RNASE10: variants seen among roughly 807,000 people sequenced by gnomAD.
The protein encoded by RNASE10 is ribonuclease A family member 10 (inactive).
A neutral mutation model predicts 1.1 loss-of-function variants in RNASE10; 2 were observed. The observed-to-expected ratio is 1.82, with a 90% CI of 0.74 to 5.73. The LOEUF is 5.73. Among genes scored for constraint, RNASE10 ranks in the 30% most tolerant of loss-of-function variants. The pLI, the probability that RNASE10 is intolerant of heterozygous loss-of-function variation, is 0.05. For missense variants in RNASE10, 276 were observed against 263.4 expected (o/e 1.05, Z -0.33); for synonymous variants, 97 against 96.2 (o/e 1.01, Z -0.05).
chr14:20,510,425 G>T (rs1401739584), intron 1 of RNASE10, 42 bp from the exon 2 acceptor site: 3 of 1,569,392 alleles, frequency 1.9e-6, no homozygotes, highest in South Asian at 2.4e-5. Flanking sequence ...AGCCAATTTT[G>T]ATCTCAAAGT....
At chr14:20,510,623 A>G (rs371476618) in exon 2 of RNASE10, 3 of 1,614,212 alleles carry the variant, frequency 1.9e-6, no homozygotes, top group Non-Finnish European at 2.5e-6. Flanking sequence ...GACTCACAGG[A>G]CAAAGCTGAG....
chr14:20,504,597 A>G (rs1170140044), upstream of RNASE10, among the ~76,000 whole-genome samples: 5 of 145,430 alleles, frequency 3.4e-5, no homozygotes, highest in African/African-American at 2.6e-5. Context: ...CTGAGGCAGG[A>G]GAATGGCGTG....
chr14:20,511,765 T>A (rs990541405), downstream of RNASE10, among the ~76,000 whole-genome samples: 1 of 152,220 alleles, frequency 6.6e-6, no homozygotes, highest in Non-Finnish European at 1.5e-5. Flanking sequence ...CTTCCCACCT[T>A]TTACTAGCAG....
chr14:20,511,117 C>A lies in RNASE10; in HGVS notation c.730C>A (p.Gln244Lys), dbSNP rs570678707. The A allele has an allele frequency of 1.3e-5, 19 of 1,485,324 alleles. No individual in the cohort carries two copies. In the East Asian group the frequency reaches 1.9e-4, roughly 15 times the overall value. The allele number at this position is 1,485,324 out of a possible 1,614,324, so 92.0% of individuals were successfully genotyped here. A position where few individuals can be genotyped will look rare whatever the true frequency, so the allele number is the denominator to read the frequency against. The change falls in exon 2 of 2, where the codon CAA (glutamine) becomes AAA (lysine). Residue 244 changes from glutamine to lysine, a missense_variant. Transcript: ENST00000430083. ...CATGAAGCGCCAGTTACCAACTGGACAATGAAGCAACTCATCATCTTTTTT... is the reference window on the plus strand; with the variant it reads ...CATGAAGCGCCAGTTACCAACTGGAAAATGAAGCAACTCATCATCTTTTTT...
At chr14:20,506,731 G>A (rs1882737695) in intron 1 of RNASE10, among the ~76,000 whole-genome samples, 5 of 111,234 alleles carry the variant, frequency 4.5e-5, no homozygotes, top group African/African-American at 1.1e-4. Context: ...TCAGCCCCCC[G>A]CCCGGCCAGC....
At chr14:20,511,632 A>G (rs1882902468), downstream of RNASE10, among the ~76,000 whole-genome samples, 1 of 152,136 alleles carries the variant, frequency 6.6e-6, no homozygotes, top group Non-Finnish European at 1.5e-5. Flanking sequence ...GCTTGGAAAA[A>G]TTTAGGGCCT....
chr14:20,505,048 A>G (rs1055404203), upstream of RNASE10, among the ~76,000 whole-genome samples: 3 of 151,824 alleles, frequency 2.0e-5, no homozygotes, highest in African/African-American at 4.8e-5. Flanking sequence ...GGCAAACCTC[A>G]CTGAATGTGA....
chr14:20,510,776 T>C, exon 2 of RNASE10: 2 of 1,614,198 alleles, frequency 1.2e-6, no homozygotes, highest in Non-Finnish European at 8.5e-7. Flanking sequence ...GCCTCAGCTC[T>C]CTTTCAGAGC....
chr14:20,506,652 T>C (rs1229436970), intron 1 of RNASE10, among the ~76,000 whole-genome samples: 2 of 89,462 alleles, frequency 2.2e-5, no homozygotes, highest in Admixed American at 1.1e-4. Context: ...AGCCGCCCAG[T>C]CCAGGAGGGA....
downstream of RNASE10, among the ~76,000 whole-genome samples, chr14:20,512,135 C>G (rs1474766501): frequency 6.6e-6 from 1 of 151,976 alleles, no homozygotes; most frequent in East Asian, 1.9e-4. Context: ...TATGAGGTGC[C>G]CAGTAGATGT....
exon 2 of RNASE10, chr14:20,511,015 C>G: frequency 6.3e-7 from 1 of 1,586,796 alleles, no homozygotes; most frequent in Non-Finnish European, 8.6e-7. Flanking sequence ...CGAGCTGTCC[C>G]AACCAGACCA....
chr14:20,506,469 G>A (rs1594439602), intron 1 of RNASE10, among the ~76,000 whole-genome samples: 4 of 127,620 alleles, frequency 3.1e-5, no homozygotes, highest in Non-Finnish European at 6.7e-5. Flanking sequence ...CCGGCCAGCC[G>A]CCCCGTCCGG....
upstream of RNASE10, among the ~76,000 whole-genome samples, chr14:20,504,680 T>A (rs187189117): frequency 0.23 from 13,364 of 59,136 alleles, 724 homozygotes; most frequent in Middle Eastern, 0.35. Context: ...AGAGAGAGAC[T>A]CCGTCTCAAA....
At chr14:20,512,645 C>T, downstream of RNASE10, among the ~76,000 whole-genome samples, 1 of 152,200 alleles carries the variant, frequency 6.6e-6, no homozygotes, top group East Asian at 1.9e-4. Flanking sequence ...GTCCCTGATT[C>T]AATATATCCC....
chr14:20,505,439 G>C (rs1315274884), upstream of RNASE10: 1 of 74,770 alleles, frequency 1.3e-5, no homozygotes, highest in Non-Finnish European at 2.3e-5. Context: ...TCAGCCTGCC[G>C]AGGGCCTGCG....
At chr14:20,507,027 C>G (rs1244382726) in intron 1 of RNASE10, among the ~76,000 whole-genome samples, 1 of 150,846 alleles carries the variant, frequency 6.6e-6, no homozygotes, top group East Asian at 1.9e-4. Context: ...CCGCCCTGTC[C>G]GGGAGGTGAG....
At chr14:20,508,215 A>T (rs895124994) in intron 1 of RNASE10, among the ~76,000 whole-genome samples, 68 of 152,352 alleles carry the variant, frequency 4.5e-4, no homozygotes, top group African/African-American at 1.3e-3. Context: ...ATATTTTCTT[A>T]AACAATCAGG....
chr14:20,510,370 C>T (rs1459356136), intron 1 of RNASE10, 97 bp from the exon 2 acceptor site: 1 of 1,506,204 alleles, frequency 6.6e-7, no homozygotes, highest in Admixed American at 2.2e-5. Context: ...CAGGAGACCC[C>T]AGATACAATG....
At chr14:20,504,557 G>A (rs1249599684), upstream of RNASE10, among the ~76,000 whole-genome samples, 2 of 150,330 alleles carry the variant, frequency 1.3e-5, no homozygotes, top group Non-Finnish European at 3.0e-5. Flanking sequence ...GCGCGGTGGC[G>A]GGCGCCTGTA....
Sources: gnomAD v4.1 joint callset for allele counts (sites outside exome capture counted in the v4.1 genomes callset) on GRCh38, gnomAD v4.1.1 for gene constraint, MANE v1.5 for transcripts, NCBI Gene and HGNC (gene_info 2026-07-23, HGNC 2026-07-21) for gene names.